The following NUP160 variants were observed in gnomAD, a reference collection of about 807,000 sequenced individuals.
NUP160 encodes nuclear pore complex protein Nup160.
A neutral mutation model predicts 196.9 loss-of-function variants in NUP160; 94 were observed. That is an observed-to-expected ratio of 0.48 (90% CI 0.40 to 0.57). NUP160 has a LOEUF of 0.57. Among genes scored for constraint, NUP160 ranks in the 20% least tolerant of loss-of-function variants. The probability of loss-of-function intolerance (pLI) is 0.00; values close to 1 mark genes in which losing one functional copy is unlikely to be tolerated. For missense variants in NUP160, 1,638 were observed against 1,748.3 expected, an observed-to-expected ratio of 0.94 and a Z score of 1.13; for synonymous variants, 605 against 619.7, an observed-to-expected ratio of 0.98 and a Z score of 0.35.
intron 22 of NUP160, among the ~76,000 whole-genome samples, chr11:47,802,617 A>G (rs1031032272): frequency 9.9e-5 from 15 of 152,170 alleles, no homozygotes; most frequent in African/African-American, 3.6e-4. Flanking sequence ...CAGGGAAAAA[A>G]TTAAAACTTT....
chr11:47,780,482 A>G (rs1464591532), intron 34 of NUP160, 35 bp from the exon 35 acceptor site: 2 of 1,376,620 alleles, frequency 1.5e-6, no homozygotes, highest in Non-Finnish European at 2.1e-6. Context: ...AACAGTCTGC[A>G]AAGTGTACCA....
chr11:47,785,708 G>A (rs2097664129), intron 32 of NUP160, among the ~76,000 whole-genome samples: 1 of 152,202 alleles, frequency 6.6e-6, no homozygotes, highest in Admixed American at 6.5e-5. Context: ...TCTCAAACCT[G>A]ATCAAGCATT....
intron 19 of NUP160, 142 bp downstream of exon 19, chr11:47,806,927 TC>T: frequency 1.6e-6 from 1 of 615,434 alleles, no homozygotes; most frequent in East Asian, 2.8e-5. Context: ...CAAACGGAGA[TC>T]TCAGGCCACA....
chr11:47,815,644 T>C lies in NUP160; in HGVS notation c.1521A>G (p.Gln507=). Reference sequence around the variant, plus strand: ...AGAATTCATACTCTGTTACACTTCCTTGAAGCTGGCAAAGAAGAAATGAAA... The same window carrying C: ...AGAATTCATACTCTGTTACACTTCCCTGAAGCTGGCAAAGAAGAAATGAAA... Residue 507 remains glutamine, a synonymous_variant, in exon 13 of 36, where the codon CAA becomes CAG. Transcript: ENST00000378460. 6.3e-7 allele frequency: 1 copy of C among 1,580,578 alleles called. No individual in the cohort carries two copies.
chr11:47,798,018 T>C (rs2097671849), exon 26 of NUP160: 2 of 1,581,918 alleles, frequency 1.3e-6, no homozygotes, highest in Non-Finnish European at 1.7e-6. Flanking sequence ...TACAAGATCC[T>C]GTAGCTGTGA....
intron 31 of NUP160, among the ~76,000 whole-genome samples, chr11:47,787,351 G>C (rs1286534255): frequency 6.6e-6 from 1 of 151,694 alleles, no homozygotes; most frequent in South Asian, 2.1e-4. Flanking sequence ...GCCTCCCAAC[G>C]TGATGGCATT....
At chr11:47,802,579 CTGTT>C (rs1254998441) in intron 22 of NUP160, among the ~76,000 whole-genome samples, 1 of 152,076 alleles carries the variant, frequency 6.6e-6, no homozygotes, top group Non-Finnish European at 1.5e-5. Flanking sequence ...ACTTTCCTGT[CTGTT>C]TGAAAATTTA....
chr11:47,835,839 T>A (rs1852162940), intron 6 of NUP160, 30 bp from the exon 7 acceptor site: 1 of 1,516,556 alleles, frequency 6.6e-7, no homozygotes, highest in Non-Finnish European at 8.9e-7. Flanking sequence ...ATAGGTGATA[T>A]TCAAGGGATA....
intron 22 of NUP160, 138 bp downstream of exon 22, chr11:47,803,300 T>A: frequency 1.7e-6 from 1 of 596,188 alleles, no homozygotes; most frequent in South Asian, 2.3e-5. Context: ...TGCCTTTGAC[T>A]GGCATTAGTA....
At chr11:47,843,231 C>T (rs1852339284) in intron 2 of NUP160, among the ~76,000 whole-genome samples, 2 of 152,114 alleles carry the variant, frequency 1.3e-5, no homozygotes, top group South Asian at 4.1e-4. Flanking sequence ...ACTCACAATT[C>T]CTCTCCTCCC....
chr11:47,818,048 T>C lies in NUP160; in HGVS notation c.1431+8A>G, dbSNP rs1412435992. 1 of 1,586,092 alleles carries C rather than the reference T, an allele frequency of 6.3e-7. No individual in the cohort carries two copies. The highest frequency in any genetic ancestry group is 1.3e-5 in the African/African-American group (1 of 74,152). On this transcript the variant is annotated splice_region_variant and intron_variant, in intron 11 of 35. Transcript: ENST00000378460. Reference sequence around the variant, plus strand: ...GTCTTAAACAAACAGTAAATTTTTTTTGCTGACCTGTAAAGCCTTACATAA... The same window carrying C: ...GTCTTAAACAAACAGTAAATTTTTTCTGCTGACCTGTAAAGCCTTACATAA...
intron 29 of NUP160, 56 bp from the exon 30 acceptor site, chr11:47,788,667 G>T: frequency 9.2e-7 from 1 of 1,086,890 alleles, no homozygotes; most frequent in Non-Finnish European, 1.4e-6. Flanking sequence ...GTATCCATCA[G>T]ATTAACGCAA....
intron 22 of NUP160, 150 bp downstream of exon 22, chr11:47,803,288 A>G (rs2097675456): frequency 1.7e-6 from 1 of 579,918 alleles, no homozygotes; most frequent in East Asian, 2.8e-5. Flanking sequence ...ACATGTATAT[A>G]ATGCCTTTGA....
chr11:47,831,618 C>G (rs937195284), intron 7 of NUP160, among the ~76,000 whole-genome samples: 1 of 151,176 alleles, frequency 6.6e-6, no homozygotes, highest in Admixed American at 6.6e-5. Flanking sequence ...CCGAGGCAGG[C>G]GGATTACCTG....
intron 18 of NUP160, 113 bp from the exon 19 acceptor site, chr11:47,807,253 G>T: frequency 1.5e-6 from 1 of 666,174 alleles, no homozygotes; most frequent in Non-Finnish European, 2.6e-6. Context: ...GCACATAAAA[G>T]CTCCACTGAA....
intron 33 of NUP160, among the ~76,000 whole-genome samples, chr11:47,783,410 C>G (rs1165225391): frequency 1.3e-5 from 2 of 152,100 alleles, no homozygotes; most frequent in African/African-American, 4.8e-5. Flanking sequence ...AGAGCCGTTA[C>G]CTCTAGGCAG....
intron 29 of NUP160, among the ~76,000 whole-genome samples, chr11:47,789,551 CA>C (rs2097666713): frequency 1.3e-5 from 2 of 152,104 alleles, no homozygotes; most frequent in Admixed American, 6.6e-5. Context: ...TAAGCATTTT[CA>C]TTTCTCTTAC....
Position 47,808,438 on chromosome 11 carries a change from CATTTAAT to C in NUP160, c.2326_2332del (p.Ile776GlyfsTer27). 1 of 1,613,720 alleles carries C rather than the reference CATTTAAT, an allele frequency of 6.2e-7. No individual in the cohort carries two copies. Among genetic ancestry groups the C allele is most frequent in the Non-Finnish European group, 8.5e-7 (1 of 1,179,674 alleles). ...ATCAGTTGCCAAGCACTCACTTCCC[CATTTAAT>C]GAGGTAATAAGATAAGAGTAGGGGA... is the stretch of plus-strand genomic sequence containing the variant. On this transcript the variant is annotated frameshift_variant, in exon 18 of 36. Transcript: ENST00000378460. LOFTEE classifies it high-confidence loss of function.
chr11:47,821,866 G>C, intron 8 of NUP160, 45 bp from the exon 9 acceptor site: 1 of 1,456,824 alleles, frequency 6.9e-7, no homozygotes, highest in Non-Finnish European at 9.6e-7. Flanking sequence ...AAGAAAGAAA[G>C]TAGTAGTTCA....
Sources: gnomAD v4.1 joint callset for allele counts (sites outside exome capture counted in the v4.1 genomes callset) on GRCh38, gnomAD v4.1.1 for gene constraint, MANE v1.5 for transcripts, NCBI Gene and HGNC (gene_info 2026-07-23, HGNC 2026-07-21) for gene names.